The following PARD3B variants were observed in gnomAD, a reference collection of about 807,000 sequenced individuals.
PARD3B encodes the protein par-3 family cell polarity regulator beta.
In PARD3B, 103 loss-of-function variants were observed where a neutral mutation model predicts 130.2. The ratio of observed to expected loss-of-function variants is 0.79; its 90% CI spans 0.67 to 0.93. The LOEUF (loss-of-function observed/expected upper bound fraction) is 0.93, where lower values mean the gene tolerates loss of function less well. Ranked by LOEUF, PARD3B falls within the 40% of genes least tolerant of loss-of-function variation. The pLI is 0.00. For missense variants in PARD3B, 1,609 were observed against 1,499.2 expected, an observed-to-expected ratio of 1.07 and a Z score of -1.21; for synonymous variants, 583 against 553.2, an observed-to-expected ratio of 1.05 and a Z score of -0.76.
chr2:205,170,694 A>C (rs2035114894), intron 11 of PARD3B, among the ~76,000 whole-genome samples: 1 of 151,770 alleles, frequency 6.6e-6, no homozygotes, highest in Non-Finnish European at 1.5e-5. Context: ...CATTAGTCCG[A>C]GTTTAACGAC....
chr2:205,391,306 A>G (rs1383161034), intron 18 of PARD3B, among the ~76,000 whole-genome samples: 1 of 152,234 alleles, frequency 6.6e-6, no homozygotes, highest in African/African-American at 2.4e-5. Flanking sequence ...TGAAGTCTGA[A>G]TTCCAGCCAT....
chr2:205,287,408 C>T lies in PARD3B; in HGVS notation c.2186-13122C>T, dbSNP rs2041437663. Among the ~76,000 whole-genome samples, 1 of 152,204 alleles carries T rather than the reference C, an allele frequency of 6.6e-6. No individual in the cohort carries two copies. Among genetic ancestry groups the T allele is most frequent in the Admixed American group, 6.5e-5 (1 of 15,280 alleles). ...ACTCTCTCGTGCAGTTCTGGTTCCTCTCTTCAGACTTGATTCTTACAGAAA... is the reference window on the plus strand; with the variant it reads ...ACTCTCTCGTGCAGTTCTGGTTCCTTTCTTCAGACTTGATTCTTACAGAAA... On this transcript the variant is annotated intron_variant, in intron 16 of 22. Coordinates refer to ENST00000406610, the MANE Select transcript of PARD3B (RefSeq NM_001302769.2). This position sits in a 1 kb window ranked among gnomAD's most constrained non-coding sequence, Gnocchi z 4.8.
chr2:205,016,611 C>T (rs376478284), intron 3 of PARD3B, among the ~76,000 whole-genome samples: 9 of 152,140 alleles, frequency 5.9e-5, no homozygotes, highest in African/African-American at 1.4e-4. Context: ...CCCATGGAAA[C>T]GAGGATCCCA....
chr2:204,864,646 C>T (rs569442725), intron 2 of PARD3B, among the ~76,000 whole-genome samples: 2 of 152,290 alleles, frequency 1.3e-5, no homozygotes, highest in South Asian at 4.1e-4. Context: ...TTGTTATCCT[C>T]CTGGCATTCG....
intron 3 of PARD3B, among the ~76,000 whole-genome samples, chr2:204,998,005 A>G (rs868087751): frequency 3.3e-5 from 5 of 149,568 alleles, no homozygotes; most frequent in African/African-American, 9.7e-5. Context: ...ATCAATATTG[A>G]AAAGTTGAGT....
intron 1 of PARD3B, among the ~76,000 whole-genome samples, chr2:204,578,344 A>G (rs1161521779): frequency 2.0e-5 from 3 of 152,174 alleles, no homozygotes; most frequent in Non-Finnish European, 4.4e-5. Context: ...GACTCACAGG[A>G]TCACAAATTC....
chr2:204,810,336 A>G (rs1450158520), intron 2 of PARD3B, among the ~76,000 whole-genome samples: 1 of 152,028 alleles, frequency 6.6e-6, no homozygotes, highest in Non-Finnish European at 1.5e-5. Flanking sequence ...TTTCAAGGGG[A>G]ATGTTTCCAG....
intron 2 of PARD3B, among the ~76,000 whole-genome samples, chr2:204,816,555 A>T (rs554329586): frequency 1.3e-5 from 2 of 152,038 alleles, no homozygotes; most frequent in South Asian, 4.1e-4. Context: ...TTATTACTTT[A>T]AAGATATTAC....
chr2:205,145,405 C>T (rs2033282215), intron 10 of PARD3B, among the ~76,000 whole-genome samples: 1 of 152,132 alleles, frequency 6.6e-6, no homozygotes, highest in African/African-American at 2.4e-5. Flanking sequence ...AGACAAGACT[C>T]AATTCTACAA....
At chr2:205,359,927 A>T (rs1035331942) in intron 18 of PARD3B, among the ~76,000 whole-genome samples, 3 of 152,228 alleles carry the variant, frequency 2.0e-5, no homozygotes, top group African/African-American at 7.2e-5. Context: ...CCAGAAAAGA[A>T]TAATAGCTAA....
intron 3 of PARD3B, among the ~76,000 whole-genome samples, chr2:205,044,476 T>C (rs1698624998): frequency 1.3e-5 from 2 of 149,310 alleles, no homozygotes; most frequent in African/African-American, 4.9e-5. Context: ...TGTTGTTTCC[T>C]GACTTTTTAA....
At chr2:204,878,643 G>A (rs1324788427) in intron 2 of PARD3B, among the ~76,000 whole-genome samples, 2 of 152,104 alleles carry the variant, frequency 1.3e-5, no homozygotes, top group Non-Finnish European at 2.9e-5. Context: ...TAAAGTGCCC[G>A]AGTCTATTTT....
chr2:204,684,167 T>C (rs757971038), intron 1 of PARD3B, among the ~76,000 whole-genome samples: 5 of 152,194 alleles, frequency 3.3e-5, no homozygotes, highest in Non-Finnish European at 7.3e-5. Flanking sequence ...ACTGCAGTTG[T>C]GAAGGATGAT....
Position 205,440,465 on chromosome 2 carries a change from A to G in PARD3B, c.2837A>G (p.Asp946Gly). ...ATTGGATCAGTGTATGATATGGATGATGATGAAATGGACCCCAATTATGCC... is the reference window on the plus strand; with the variant it reads ...ATTGGATCAGTGTATGATATGGATGGTGATGAAATGGACCCCAATTATGCC... ...GAIGSVYDMDDDEMDPNYARV... is the reference protein window; with the variant it reads ...GAIGSVYDMDGDEMDPNYARV... Residue 946 changes from aspartate (D) to glycine (G), a missense_variant, in exon 20 of 23, where the codon GAT becomes GGT. By Grantham distance (94) the Asp-to-Gly change is moderately conservative. Coordinates refer to ENST00000406610, the MANE Select transcript of PARD3B (RefSeq NM_001302769.2). This position sits in a 1 kb window ranked among gnomAD's most constrained non-coding sequence, Gnocchi z 4.2. 1 of 1,614,128 alleles carries G rather than the reference A, an allele frequency of 6.2e-7. No homozygotes were observed. Among genetic ancestry groups the G allele is most frequent in the South Asian group, 1.1e-5 (1 of 91,078 alleles).
chr2:204,971,670 G>A (rs1691723116), intron 3 of PARD3B, among the ~76,000 whole-genome samples: 2 of 150,176 alleles, frequency 1.3e-5, no homozygotes, highest in Admixed American at 1.3e-4. Context: ...GTTGTAATTA[G>A]CTATGGTAAC....
intron 15 of PARD3B, among the ~76,000 whole-genome samples, chr2:205,211,536 C>T (rs544354582): frequency 3.3e-5 from 5 of 150,670 alleles, no homozygotes; most frequent in Non-Finnish European, 5.9e-5. Flanking sequence ...ACGATAATAA[C>T]GCAATAAGTG....
intron 20 of PARD3B, among the ~76,000 whole-genome samples, chr2:205,479,161 A>G (rs995621333): frequency 6.6e-6 from 1 of 152,162 alleles, no homozygotes; most frequent in African/African-American, 2.4e-5. Context: ...AAATAGGAAA[A>G]AGAAAGTTCT....
At position 205,346,172 on chromosome 2, in the gene PARD3B, AAAATAAATAAATAAATAAATAAAT is replaced by A. The variant is rs57934121; in HGVS notation, c.2630+44496_2630+44519del. Among the ~76,000 whole-genome samples, 11 of 132,308 alleles carry A rather than the reference AAAATAAATAAATAAATAAATAAAT, an allele frequency of 8.3e-5. No individual in the cohort carries two copies. The South Asian group carries it at 2.0e-3, about 23-fold the overall frequency. 86.8% of individuals were successfully genotyped at this position (132,308 alleles called of 152,430 possible). On this transcript the variant is annotated intron_variant, in intron 18 of 22. Transcript: ENST00000406610. ...GAACGACACAGTGAGACTCCGTCTC[AAAATAAATAAATAAATAAATAAAT>A]AAATAAATAAATAAATAAATAAATT...
intron 2 of PARD3B, among the ~76,000 whole-genome samples, chr2:204,917,507 T>C (rs1158858242): frequency 6.6e-6 from 1 of 152,228 alleles, no homozygotes; most frequent in Non-Finnish European, 1.5e-5. Context: ...TTTGCTGAGC[T>C]GGGGAATTCT....
Sources: allele counts gnomAD v4.1 joint callset (sites outside exome capture counted in the v4.1 genomes callset), GRCh38; gene constraint gnomAD v4.1.1; non-coding constraint Gnocchi (gnomAD v3.1); transcripts MANE v1.5; gene names NCBI Gene and HGNC (gene_info 2026-07-23, HGNC 2026-07-21).